Variants in EYS observed in about 807,000 individuals in gnomAD.
EYS encodes protein eyes shut homolog.
Under a neutral mutation model 282.1 loss-of-function variants are expected in EYS, and 250 were observed. The ratio of observed to expected loss-of-function variants is 0.89; its 90% CI spans 0.80 to 0.98. EYS has a LOEUF of 0.98. EYS is among the 50% of genes least tolerant of loss of function. EYS has a pLI of 0.00. For synonymous variants in EYS, 1,355 were observed against 1,282.9 expected (o/e 1.06, Z -1.20); for missense variants, 4,016 against 3,709.0 (o/e 1.08, Z -2.15).
chr6:64,550,499 C>T (rs1383250171), intron 26 of EYS, among the ~76,000 whole-genome samples: 1 of 152,138 alleles, frequency 6.6e-6, no homozygotes, highest in Non-Finnish European at 1.5e-5. Flanking sequence ...AATCCACAGC[C>T]AATATCATAC....
chr6:65,020,216 A>C (rs1772207136), intron 13 of EYS, among the ~76,000 whole-genome samples: 1 of 152,138 alleles, frequency 6.6e-6, no homozygotes, highest in Non-Finnish European at 1.5e-5. Flanking sequence ...CATTAACTCA[A>C]AAGTCCAATC....
intron 22 of EYS, among the ~76,000 whole-genome samples, chr6:64,802,104 G>C (rs1048200320): frequency 2.2e-4 from 31 of 138,308 alleles, no homozygotes; most frequent in African/African-American, 8.4e-4. Context: ...CGCGATCTTG[G>C]CTCACTGCAA....
chr6:64,561,066 G>A (rs139327706), intron 26 of EYS, among the ~76,000 whole-genome samples: 3 of 152,168 alleles, frequency 2.0e-5, no homozygotes, highest in South Asian at 2.1e-4. Context: ...GATTCATCAC[G>A]TAAACAGAAC....
At chr6:64,311,928 A>G (rs1769723644) in intron 29 of EYS, among the ~76,000 whole-genome samples, 1 of 151,572 alleles carries the variant, frequency 6.6e-6, no homozygotes. Context: ...CTGGGTTTCA[A>G]GCACAAAACT....
intron 22 of EYS, among the ~76,000 whole-genome samples, chr6:64,699,327 G>A (rs189789789): frequency 3.4e-3 from 511 of 152,200 alleles, no homozygotes; most frequent in Non-Finnish European, 6.0e-3. Flanking sequence ...CTACTTGAGG[G>A]TGGAGCATGG....
intron 35 of EYS, among the ~76,000 whole-genome samples, chr6:63,983,134 A>G (rs911995580): frequency 1.3e-5 from 2 of 151,736 alleles, no homozygotes; most frequent in African/African-American, 2.4e-5. Flanking sequence ...CTTAGCCCCC[A>G]GATTTACTCT....
intron 31 of EYS, among the ~76,000 whole-genome samples, chr6:64,142,515 A>G (rs1774369559): frequency 6.6e-6 from 1 of 152,158 alleles, no homozygotes; most frequent in Admixed American, 6.5e-5. Context: ...GTCAGTGCAG[A>G]AAGGGAAAAC....
chr6:63,822,567 T>C (rs1329566868), intron 36 of EYS: 1 of 152,244 alleles, frequency 6.6e-6, no homozygotes, highest in East Asian at 1.9e-4. Flanking sequence ...ATTGAACAAA[T>C]TTAAAGGGAG....
intron 35 of EYS, among the ~76,000 whole-genome samples, chr6:63,889,686 A>C (rs57623591): frequency 0.12 from 17,877 of 152,134 alleles, 1,279 homozygotes; most frequent in African/African-American, 0.19. Flanking sequence ...TGTAAAGACC[A>C]TCAACACTAT....
intron 15 of EYS, among the ~76,000 whole-genome samples, chr6:64,928,244 C>G (rs1324893317): frequency 6.6e-6 from 1 of 151,836 alleles, no homozygotes; most frequent in African/African-American, 2.4e-5. Context: ...AAATGCAGGA[C>G]CTTAATTATA....
intron 22 of EYS, among the ~76,000 whole-genome samples, chr6:64,688,060 C>A (rs1039805476): frequency 6.6e-6 from 1 of 151,860 alleles, no homozygotes; most frequent in African/African-American, 2.4e-5. Context: ...TCTGTGGGAT[C>A]GGTGGTGGTA....
chr6:63,803,408 G>A (rs919108458), intron 37 of EYS, among the ~76,000 whole-genome samples: 1 of 152,248 alleles, frequency 6.6e-6, no homozygotes, highest in Non-Finnish European at 1.5e-5. Flanking sequence ...GAAGCTTTGT[G>A]GGTGATACAG....
intron 22 of EYS, among the ~76,000 whole-genome samples, chr6:64,699,719 A>G (rs1770714357): frequency 6.6e-6 from 1 of 152,064 alleles, no homozygotes; most frequent in African/African-American, 2.4e-5. Flanking sequence ...CTCCCAACCA[A>G]AAATTCCCAA....
chr6:64,169,431 G>GTTTTTTTTTTTTTTTTTTTTTTT (rs35657029), intron 31 of EYS, among the ~76,000 whole-genome samples: 5 of 140,962 alleles, frequency 3.5e-5, no homozygotes, highest in Admixed American at 1.4e-4. Context: ...TTGAGGAGGA[G>GTTTTTTTTTTTTTTTTTTTTTTT]TTTTTTTTTT....
At chr6:65,532,979 T>A (rs1767833267) in intron 2 of EYS, among the ~76,000 whole-genome samples, 1 of 152,052 alleles carries the variant, frequency 6.6e-6, no homozygotes, top group African/African-American at 2.4e-5. Flanking sequence ...AATTTTAACT[T>A]TGCAATTGTC....
chr6:64,096,063 A>G (rs1772598672), intron 31 of EYS, among the ~76,000 whole-genome samples: 1 of 152,198 alleles, frequency 6.6e-6, no homozygotes, highest in Non-Finnish European at 1.5e-5. Flanking sequence ...TTTCTTTAAG[A>G]ATGTTGAATA....
rs117625555 is a variant in EYS at position 65,173,470 on chromosome 6, A to C, written c.2024-115743T>G. On this transcript the variant is annotated intron_variant, in intron 12 of 42. Transcript: ENST00000503581. ...TAATATGTATTATCAAACACCAATA[A>C]ATTTTCCCTGACATCTAATGTTGGT... is the stretch of plus-strand genomic sequence containing the variant. 5.1e-3 allele frequency among the ~76,000 whole-genome samples: 770 copies of C among 151,350 alleles called. 29 individuals carry two copies. The highest frequency in any genetic ancestry group is 0.039 in the Admixed American group (592 of 15,122).
At chr6:65,394,399 T>G (rs187604518) in intron 7 of EYS, among the ~76,000 whole-genome samples, 1 of 152,222 alleles carries the variant, frequency 6.6e-6, no homozygotes, top group Non-Finnish European at 1.5e-5. Context: ...CTTTCCCTTC[T>G]CTACTCATGA....
intron 26 of EYS, among the ~76,000 whole-genome samples, chr6:64,459,863 C>A (rs1306217579): frequency 2.6e-5 from 4 of 151,860 alleles, no homozygotes; most frequent in Admixed American, 2.6e-4. Context: ...ATAGACACAC[C>A]CAAGAACAAT....
Sources: allele counts gnomAD v4.1 joint callset (sites outside exome capture counted in the v4.1 genomes callset), GRCh38; gene constraint gnomAD v4.1.1; transcripts MANE v1.5; gene names NCBI Gene and HGNC (gene_info 2026-07-23, HGNC 2026-07-21).